Variants in MGAT4C observed in about 807,000 individuals in gnomAD.
MGAT4C encodes the protein alpha-1,3-mannosyl-glycoprotein 4-beta-N-acetylglucosaminyltransferase C.
Under a neutral mutation model 40.1 loss-of-function variants are expected in MGAT4C, and 19 were observed. The ratio of observed to expected loss-of-function variants is 0.47; its 90% confidence interval spans 0.33 to 0.70. The LOEUF (loss-of-function observed/expected upper bound fraction) is 0.70, where lower values mean the gene tolerates loss of function less well. Ranked by LOEUF, MGAT4C falls within the 30% of genes least tolerant of loss-of-function variation. The pLI is 0.02. For synonymous variants in MGAT4C, 181 were observed against 187.1 expected (o/e 0.97, Z 0.27); for missense variants, 491 against 563.2 (o/e 0.87, Z 1.30).
At chr12:86,523,305 G>T (rs1037897549) in intron 2 of MGAT4C, among the ~76,000 whole-genome samples, 1 of 152,054 alleles carries the variant, frequency 6.6e-6, no homozygotes, top group African/African-American at 2.4e-5. Context: ...GTTCTCATTA[G>T]TTTCAAATAA....
intron 1 of MGAT4C, among the ~76,000 whole-genome samples, chr12:86,772,785 C>T (rs1459314171): frequency 1.3e-5 from 2 of 152,166 alleles, no homozygotes; most frequent in African/African-American, 2.4e-5. Flanking sequence ...GAAATTGAAA[C>T]GTATATCCAA....
intron 3 of MGAT4C, among the ~76,000 whole-genome samples, chr12:86,426,887 C>G (rs931866176): frequency 2.0e-5 from 3 of 152,048 alleles, no homozygotes; most frequent in African/African-American, 7.2e-5. Flanking sequence ...GCAGAGCTTG[C>G]AGTGAGCTGA....
intron 1 of MGAT4C, among the ~76,000 whole-genome samples, chr12:86,786,572 C>G (rs2136188799): frequency 6.6e-6 from 1 of 151,960 alleles, no homozygotes; most frequent in East Asian, 1.9e-4. Flanking sequence ...CTCCAAACTT[C>G]TGCTCAAACT....
chr12:86,811,283 C>T (rs1952466730), intron 1 of MGAT4C, among the ~76,000 whole-genome samples: 2 of 149,428 alleles, frequency 1.3e-5, no homozygotes, highest in Non-Finnish European at 3.0e-5. Flanking sequence ...TTTGTGCTTT[C>T]TGAAGAACAG....
At chr12:86,430,342 C>T (rs1565757186) in intron 3 of MGAT4C, among the ~76,000 whole-genome samples, 1 of 152,084 alleles carries the variant, frequency 6.6e-6, no homozygotes, top group Non-Finnish European at 1.5e-5. Context: ...AATCCTGTGT[C>T]CTTATGTTGT....
chr12:86,391,254 G>A (rs1956155220), intron 3 of MGAT4C, among the ~76,000 whole-genome samples: 1 of 152,110 alleles, frequency 6.6e-6, no homozygotes, highest in African/African-American at 2.4e-5. Flanking sequence ...GTATGAGAGA[G>A]TACATGTAAG....
chr12:86,506,564 T>C (rs1958475909), intron 2 of MGAT4C, among the ~76,000 whole-genome samples: 1 of 152,208 alleles, frequency 6.6e-6, no homozygotes, highest in Non-Finnish European at 1.5e-5. Context: ...TACACTGTTA[T>C]TCATTGAAGA....
intron 3 of MGAT4C, among the ~76,000 whole-genome samples, chr12:86,386,077 C>T (rs1592773441): frequency 6.6e-6 from 1 of 152,208 alleles, no homozygotes; most frequent in Non-Finnish European, 1.5e-5. Context: ...ACTACAGGTG[C>T]CCACCACCAC....
In MGAT4C at chr12:86,704,683, G is replaced by C. The variant is rs997546409; in HGVS notation, c.-229+22526C>G. Among the ~76,000 whole-genome samples, 7 of 152,152 alleles carry C rather than the reference G, an allele frequency of 4.6e-5. 1 individual carries two copies. Among genetic ancestry groups the C allele is most frequent in the Middle Eastern group, 6.8e-3 (2 of 294 alleles). ...AAGGCAAATTTATTATCCAACATTT[G>C]TTGACAGTAAACATGATTGGCAACA... On this transcript the variant is annotated intron_variant, in intron 2 of 7. Transcript: ENST00000548651.
intron 1 of MGAT4C, among the ~76,000 whole-genome samples, chr12:86,815,046 C>A (rs1952573049): frequency 6.6e-6 from 1 of 151,900 alleles, no homozygotes; most frequent in Non-Finnish European, 1.5e-5. Flanking sequence ...TTTCTAGGAA[C>A]TTTCTGGAGG....
chr12:86,410,516 T>G (rs566289864), intron 3 of MGAT4C, among the ~76,000 whole-genome samples: 1 of 152,218 alleles, frequency 6.6e-6, no homozygotes, highest in Non-Finnish European at 1.5e-5. Flanking sequence ...GACCTTTGGT[T>G]GTCTTCCCTT....
chr12:86,189,657 C>A (rs1566115255), intron 1 of MGAT4C, among the ~76,000 whole-genome samples: 1 of 151,984 alleles, frequency 6.6e-6, no homozygotes, highest in African/African-American at 2.4e-5. Flanking sequence ...AAGCTCTTTA[C>A]CTTTGAAAAC....
At chr12:86,122,670 G>A (rs528542762) in intron 1 of MGAT4C, among the ~76,000 whole-genome samples, 28 of 152,118 alleles carry the variant, frequency 1.8e-4, no homozygotes, top group African/African-American at 5.3e-4. Context: ...ATTAAGCTTC[G>A]AATTAATCTG....
chr12:85,958,037 TTGTGTGTGTGTG>T lies in MGAT4C; in HGVS notation c.*21240_*21251del, dbSNP rs3043125. ...TTGTTTACAGTTTTTCTAAGTGTTT[TTGTGTGTGTGTG>T]TGTGTGTGTGTGTGTGTGTTTGTTT... On this transcript the variant is annotated 3_prime_UTR_variant, in exon 5 of 5. Coordinates refer to ENST00000611864, the MANE Select transcript of MGAT4C (RefSeq NM_001351288.2). The T allele has an allele frequency of 3.0e-5, 4 of 132,222 alleles. No homozygotes were observed. The highest frequency in any genetic ancestry group is 5.2e-5 in the Non-Finnish European group (3 of 57,178). 8.2% of individuals were successfully genotyped at this position (132,222 alleles called of 1,614,324 possible). A position where few individuals can be genotyped will look rare whatever the true frequency, so the allele number is the denominator to read the frequency against.
intron 2 of MGAT4C, among the ~76,000 whole-genome samples, chr12:86,648,094 G>T (rs1201971582): frequency 6.6e-6 from 1 of 151,742 alleles, no homozygotes. Context: ...CAAATTTCAG[G>T]CTCTGTTGAA....
chr12:86,337,115 G>A (rs1457459394), intron 3 of MGAT4C, among the ~76,000 whole-genome samples: 2 of 151,836 alleles, frequency 1.3e-5, no homozygotes, highest in East Asian at 3.8e-4. Context: ...GAAAATGATC[G>A]ATGATGATGA....
rs1277071697 is a variant in MGAT4C, at chr12:85,960,742, T to C, written c.*18547A>G. On this transcript the variant is annotated 3_prime_UTR_variant, in exon 5 of 5. Transcript: ENST00000611864. ...TCTAGATAATTTTTGTTTATTTGGA[T>C]ATAACGTGAATGGGCCCATACCATA... 6.6e-6 allele frequency: 1 copy of C among 151,828 alleles called. No homozygotes were observed. Among genetic ancestry groups the C allele is most frequent in the Admixed American group, 6.6e-5 (1 of 15,230 alleles). The allele number at this position is 151,828 out of a possible 1,614,324, so 9.4% of individuals were successfully genotyped here. A position where few individuals can be genotyped will look rare whatever the true frequency, so the allele number is the denominator to read the frequency against.
chr12:85,993,650 T>A (rs1886253656), intron 2 of MGAT4C, among the ~76,000 whole-genome samples: 1 of 152,090 alleles, frequency 6.6e-6, no homozygotes, highest in African/African-American at 2.4e-5. Flanking sequence ...AGGAGGGGGC[T>A]GCAAAAATGG....
At chr12:86,104,860 T>A (rs1387946349) in intron 1 of MGAT4C, among the ~76,000 whole-genome samples, 1 of 68,052 alleles carries the variant, frequency 1.5e-5, no homozygotes, top group Admixed American at 1.5e-4. Context: ...ACGGCAAACC[T>A]GATTTTTTTT....
Sources: gnomAD v4.1 joint callset for allele counts (sites outside exome capture counted in the v4.1 genomes callset) on GRCh38, gnomAD v4.1.1 for gene constraint, MANE v1.5 for transcripts, NCBI Gene and HGNC (gene_info 2026-07-23, HGNC 2026-07-21) for gene names.